The following NRXN1 variants were observed in gnomAD, a reference collection of about 807,000 sequenced individuals.
NRXN1 encodes neurexin 1, also known as neurexin-1.
A neutral mutation model predicts 150.9 loss-of-function variants in NRXN1; 39 were observed. That is an observed-to-expected ratio of 0.26 (90% CI 0.20 to 0.34). NRXN1 has a LOEUF of 0.34. NRXN1 is among the 10% of genes least tolerant of loss of function. The pLI is 1.00. For missense variants in NRXN1, 1,815 were observed against 1,949.9 expected (o/e 0.93, Z 1.30); for synonymous variants, 924 against 757.0 (o/e 1.22, Z -3.62).
intron 21 of NRXN1, among the ~76,000 whole-genome samples, chr2:49,961,673 G>C (rs1193915200): frequency 6.6e-6 from 1 of 152,110 alleles, no homozygotes; most frequent in African/African-American, 2.4e-5. Flanking sequence ...TAGCCTATAG[G>C]TCTTTACATC....
intron 8 of NRXN1, among the ~76,000 whole-genome samples, chr2:50,569,174 T>C (rs1670294086): frequency 6.6e-6 from 1 of 152,056 alleles, no homozygotes; most frequent in South Asian, 2.1e-4. Context: ...GTGGGGATGG[T>C]TAATGGGAAC....
chr2:50,902,644 T>C (rs535999689), intron 5 of NRXN1, among the ~76,000 whole-genome samples: 31 of 152,284 alleles, frequency 2.0e-4, no homozygotes, highest in Admixed American at 6.5e-4. Flanking sequence ...TACAGCACCC[T>C]GGTAAAAACC....
intron 17 of NRXN1, among the ~76,000 whole-genome samples, chr2:50,329,957 C>T (rs933839221): frequency 6.6e-5 from 10 of 151,648 alleles, no homozygotes; most frequent in Admixed American, 6.6e-5. Context: ...CAGGCGTGAG[C>T]CACTGCACCC....
intron 18 of NRXN1, among the ~76,000 whole-genome samples, chr2:50,143,309 A>G (rs1487986093): frequency 6.6e-6 from 1 of 152,026 alleles, no homozygotes; most frequent in Non-Finnish European, 1.5e-5. Context: ...ATTAATGGGT[A>G]CAGCTCGAAA....
At chr2:49,969,331 G>T (rs1677534897) in intron 21 of NRXN1, among the ~76,000 whole-genome samples, 1 of 152,020 alleles carries the variant, frequency 6.6e-6, no homozygotes, top group African/African-American at 2.4e-5. Context: ...AGGGTAACTG[G>T]TCCAAAAAGC....
At chr2:49,950,629 T>A (rs767518676) in intron 21 of NRXN1, among the ~76,000 whole-genome samples, 1 of 152,008 alleles carries the variant, frequency 6.6e-6, no homozygotes, top group African/African-American at 2.4e-5. Flanking sequence ...AACAATGAAG[T>A]AAATTCAAAT....
At chr2:50,565,535 T>C (rs1186329356) in intron 8 of NRXN1, among the ~76,000 whole-genome samples, 1 of 152,168 alleles carries the variant, frequency 6.6e-6, no homozygotes, top group Admixed American at 6.5e-5. Context: ...TTACTCTGAC[T>C]GGGAACCAAA....
chr2:50,457,324 T>C (rs1383838923), intron 17 of NRXN1, among the ~76,000 whole-genome samples: 1 of 152,136 alleles, frequency 6.6e-6, no homozygotes, highest in African/African-American at 2.4e-5. Flanking sequence ...CTAATTTCTC[T>C]AGGGAATTTT....
chr2:50,169,792 G>T (rs1017300665), intron 18 of NRXN1, among the ~76,000 whole-genome samples: 1 of 151,416 alleles, frequency 6.6e-6, no homozygotes, highest in Non-Finnish European at 1.5e-5. Flanking sequence ...TGGCATAGGG[G>T]ATAGCATAAC....
chr2:50,260,323 G>C (rs550714248), intron 17 of NRXN1, among the ~76,000 whole-genome samples: 13 of 151,890 alleles, frequency 8.6e-5, no homozygotes, highest in African/African-American at 2.9e-4. Context: ...ATATTTCCTA[G>C]AAAATTGTCA....
chr2:50,346,718 A>G lies in NRXN1; in HGVS notation c.3365-109748T>C, dbSNP rs760915604. 2.5e-6 allele frequency: 4 copies of G among 1,613,770 alleles called. No individual in the cohort carries two copies. In the Admixed American group the frequency reaches 6.7e-5, roughly 27 times the overall value. On this transcript the variant is annotated intron_variant, in intron 17 of 22. Transcript: ENST00000401669. This position sits in a 1 kb window ranked among gnomAD's most constrained non-coding sequence, Gnocchi z 5.0. ...TGTCCGCCTCGCAAGGATGCCGGTGACCTGTAGATTGCAATAGGCACTGAA... is the reference window on the plus strand; with the variant it reads ...TGTCCGCCTCGCAAGGATGCCGGTGGCCTGTAGATTGCAATAGGCACTGAA...
chr2:50,844,303 C>G (rs9750988), intron 5 of NRXN1, among the ~76,000 whole-genome samples: 150,096 of 152,242 alleles, frequency 0.99, 74,003 homozygotes, highest in East Asian at 1. Flanking sequence ...TTATACCCTG[C>G]TCCACTTCTC....
At chr2:50,816,374 G>A (rs1187339658) in intron 5 of NRXN1, among the ~76,000 whole-genome samples, 1 of 152,008 alleles carries the variant, frequency 6.6e-6, no homozygotes, top group Non-Finnish European at 1.5e-5. Context: ...CTTATGCTGA[G>A]AGAATAGGAA....
intron 17 of NRXN1, among the ~76,000 whole-genome samples, chr2:50,415,288 T>A (rs1322900169): frequency 6.6e-6 from 1 of 152,210 alleles, no homozygotes; most frequent in Non-Finnish European, 1.5e-5. Flanking sequence ...GCACTTTCCC[T>A]TTCACAGAAC....
intron 16 of NRXN1, among the ~76,000 whole-genome samples, chr2:50,466,650 A>G (rs1003621761): frequency 6.6e-6 from 1 of 151,692 alleles, no homozygotes; most frequent in Non-Finnish European, 1.5e-5. Flanking sequence ...ACAGCCATAA[A>G]TCTTAAGAGA....
intron 17 of NRXN1, among the ~76,000 whole-genome samples, chr2:50,386,249 T>A (rs1346971658): frequency 6.6e-6 from 1 of 152,126 alleles, no homozygotes; most frequent in African/African-American, 2.4e-5. Flanking sequence ...TTGACAGAGA[T>A]AAAGTTAAAA....
At chr2:50,258,281 T>C (rs2067913548) in intron 17 of NRXN1, among the ~76,000 whole-genome samples, 2 of 152,102 alleles carry the variant, frequency 1.3e-5, no homozygotes, top group African/African-American at 2.4e-5. Context: ...TCTCAAACCC[T>C]GCTGCTGCTT....
At chr2:50,432,774 C>A (rs2085083145) in intron 17 of NRXN1, among the ~76,000 whole-genome samples, 1 of 152,208 alleles carries the variant, frequency 6.6e-6, no homozygotes, top group African/African-American at 2.4e-5. Context: ...GGCATGTACT[C>A]ATCTTATTCT....
chr2:50,893,981 T>C (rs1414422401), intron 5 of NRXN1, among the ~76,000 whole-genome samples: 1 of 152,080 alleles, frequency 6.6e-6, no homozygotes, highest in Non-Finnish European at 1.5e-5. Context: ...ATGTGCCACA[T>C]TTTCTTAATC....
Sources: allele counts gnomAD v4.1 joint callset (sites outside exome capture counted in the v4.1 genomes callset), GRCh38; gene constraint gnomAD v4.1.1; non-coding constraint Gnocchi (gnomAD v3.1); transcripts MANE v1.5; gene names NCBI Gene and HGNC (gene_info 2026-07-23, HGNC 2026-07-21).